The following FSHR variants were observed in gnomAD, a reference collection of about 807,000 sequenced individuals.
FSHR encodes follicle stimulating hormone receptor, also known as follicle-stimulating hormone receptor.
A neutral mutation model predicts 52.1 loss-of-function variants in FSHR; 46 were observed. The observed-to-expected ratio is 0.88, with a 90% CI of 0.70 to 1.13. The LOEUF (loss-of-function observed/expected upper bound fraction) is 1.13, where lower values mean the gene tolerates loss of function less well. Among genes scored for constraint, FSHR ranks in the 50% most tolerant of loss-of-function variants. The pLI is 0.00. For missense variants in FSHR, 964 were observed against 834.6 expected, an observed-to-expected ratio of 1.16 and a Z score of -1.91; for synonymous variants, 399 against 309.6, an observed-to-expected ratio of 1.29 and a Z score of -3.03.
At chr2:49,144,124 C>A (rs762387139) in intron 1 of FSHR, among the ~76,000 whole-genome samples, 1 of 152,194 alleles carries the variant, frequency 6.6e-6, no homozygotes, top group East Asian at 1.9e-4. Flanking sequence ...GTTCTTTTCC[C>A]AACCACCAGA....
At position 48,963,677 on chromosome 2, in the gene FSHR, T is replaced by C. The variant is rs1192293250; in HGVS notation, c.1144A>G (p.Ile382Val). The C allele has an allele frequency of 6.2e-7, 1 of 1,614,030 alleles. No individual in the cohort carries two copies. Among genetic ancestry groups the C allele is most frequent in the Non-Finnish European group, 8.5e-7 (1 of 1,180,016 alleles). ...CTGGTAGTTAGGATCACTAGCACTA[T>C]GATGTTCCCAGTGATGGCCAGGATG... Reference protein sequence around the residue: ...ISILAITGNIIVLVILTTSQY... With the variant: ...ISILAITGNIVVLVILTTSQY... The change falls in exon 10 of 10, where the codon ATA becomes GTA. Residue 382 changes from isoleucine (I) to valine (V), a missense_variant. Ile to Val is a conservative substitution (Grantham distance 29). Transcript: ENST00000406846.
intron 1 of FSHR, among the ~76,000 whole-genome samples, chr2:49,091,661 GATGAATT>G (rs1670616446): frequency 6.6e-6 from 1 of 152,168 alleles, no homozygotes; most frequent in African/African-American, 2.4e-5. Context: ...TCCTTTTGCT[GATGAATT>G]ACGTTAGATT....
intron 1 of FSHR, among the ~76,000 whole-genome samples, chr2:49,130,113 G>C (rs1230084120): frequency 6.6e-6 from 1 of 152,130 alleles, no homozygotes; most frequent in Non-Finnish European, 1.5e-5. Flanking sequence ...GTACCACTTA[G>C]GCAAGTTACT....
chr2:49,109,401 G>A (rs1024117282), intron 1 of FSHR, among the ~76,000 whole-genome samples: 4 of 152,186 alleles, frequency 2.6e-5, no homozygotes, highest in African/African-American at 9.6e-5. Context: ...GGGTTGGGGA[G>A]AGAGGAGGTG....
At position 49,042,684 on chromosome 2, in the gene FSHR, C is replaced by A. The variant is rs1322585104; in HGVS notation, c.225-22524G>T. Among the ~76,000 whole-genome samples the A allele has an allele frequency of 2.6e-5, 4 of 152,186 alleles. No individual in the cohort carries two copies. In the East Asian group the frequency reaches 7.7e-4, roughly 29 times the overall value. Reference sequence around the variant, plus strand: ...CAGCAATTTCCTTTTTTCATGACTTCAAATGGTGCATAGTCAGCTCTAAAG... The same window carrying A: ...CAGCAATTTCCTTTTTTCATGACTTAAAATGGTGCATAGTCAGCTCTAAAG... On this transcript the variant is annotated intron_variant, in intron 2 of 9. Coordinates refer to ENST00000406846, the MANE Select transcript of FSHR (RefSeq NM_000145.4).
chr2:49,017,416 A>C, intron 4 of FSHR, 73 bp downstream of exon 4: 1 of 1,137,182 alleles, frequency 8.8e-7, no homozygotes, highest in Non-Finnish European at 1.3e-6. Context: ...CCAGAGTATC[A>C]AGTAGGCCTT....
At chr2:49,132,543 C>T (rs1672319462) in intron 1 of FSHR, among the ~76,000 whole-genome samples, 1 of 152,086 alleles carries the variant, frequency 6.6e-6, no homozygotes. Context: ...TTACCATTCA[C>T]CAGACCAGTA....
chr2:49,072,239 C>CCAAA (rs199530890), intron 1 of FSHR, among the ~76,000 whole-genome samples: 1 of 151,894 alleles, frequency 6.6e-6, no homozygotes, highest in East Asian at 1.9e-4. Context: ...AACCAACCAA[C>CCAAA]CAAACAAACA....
Position 48,962,210 on chromosome 2 carries a change from C to T in FSHR, c.*523G>A, listed in dbSNP as rs370297583. ...ATGTATTTCAGCCTATCCACACTGA[C>T]GCATTACAAAGGCTTCAGATGGGTG... On this transcript the variant is annotated 3_prime_UTR_variant, in exon 10 of 10. Coordinates refer to ENST00000406846, the MANE Select transcript of FSHR (RefSeq NM_000145.4). 8.0e-5 allele frequency: 15 copies of T among 187,090 alleles called. No homozygotes were observed. Among genetic ancestry groups the T allele is most frequent in the South Asian group, 7.3e-4 (7 of 9,630 alleles). 11.6% of individuals were successfully genotyped at this position (187,090 alleles called of 1,614,324 possible).
chr2:49,014,221 C>T (rs1667399832), intron 4 of FSHR, among the ~76,000 whole-genome samples: 1 of 152,194 alleles, frequency 6.6e-6, no homozygotes, highest in African/African-American at 2.4e-5. Flanking sequence ...GTGACATAAT[C>T]CCTTCTAAAT....
At chr2:48,994,631 C>T (rs1385468263) in intron 4 of FSHR, among the ~76,000 whole-genome samples, 2 of 14,640 alleles carry the variant, frequency 1.4e-4, no homozygotes, top group Middle Eastern at 0.031. Flanking sequence ...TAAATTCATG[C>T]TGATGGAGGC....
intron 8 of FSHR, among the ~76,000 whole-genome samples, chr2:48,971,880 C>G (rs1456579619): frequency 6.6e-6 from 1 of 152,144 alleles, no homozygotes; most frequent in African/African-American, 2.4e-5. Flanking sequence ...TTTGCTGGTT[C>G]CTCCATGACC....
intron 2 of FSHR, among the ~76,000 whole-genome samples, chr2:49,039,301 A>G (rs1242858857): frequency 2.0e-5 from 3 of 152,126 alleles, no homozygotes; most frequent in Admixed American, 2.0e-4. Context: ...CAAGCCTGTA[A>G]TTTGAAGATG....
chr2:49,072,875 C>T (rs939307455), intron 1 of FSHR, among the ~76,000 whole-genome samples: 3 of 152,068 alleles, frequency 2.0e-5, no homozygotes, highest in African/African-American at 4.8e-5. Flanking sequence ...CTGGATTTAC[C>T]ACTTAACATT....
At chr2:48,985,707 T>A (rs1409613974) in intron 6 of FSHR, among the ~76,000 whole-genome samples, 3 of 135,540 alleles carry the variant, frequency 2.2e-5, no homozygotes, top group African/African-American at 8.6e-5. Context: ...GTTTTTTTTT[T>A]TTTTTTTTTT....
chr2:49,151,415 C>G (rs1673058458), intron 1 of FSHR, among the ~76,000 whole-genome samples: 1 of 151,888 alleles, frequency 6.6e-6, no homozygotes, highest in Admixed American at 6.6e-5. Context: ...AGTAGGAGCC[C>G]CTTAGTAAAT....
intron 1 of FSHR, among the ~76,000 whole-genome samples, chr2:49,138,345 C>T (rs1283164869): frequency 6.6e-6 from 1 of 152,168 alleles, no homozygotes; most frequent in South Asian, 2.1e-4. Context: ...AGCTATTGCA[C>T]TCCTAGGTAT....
intron 1 of FSHR, among the ~76,000 whole-genome samples, chr2:49,097,335 G>C (rs955119353): frequency 6.6e-6 from 1 of 152,080 alleles, no homozygotes; most frequent in Non-Finnish European, 1.5e-5. Context: ...AATTTCTAGT[G>C]ATACATCTTC....
chr2:49,135,393 A>G (rs931671885), intron 1 of FSHR, among the ~76,000 whole-genome samples: 3 of 152,186 alleles, frequency 2.0e-5, no homozygotes, highest in Non-Finnish European at 4.4e-5. Context: ...TAAAAAAGGA[A>G]AACAGAAAAC....
Sources: allele counts gnomAD v4.1 joint callset (sites outside exome capture counted in the v4.1 genomes callset), GRCh38; gene constraint gnomAD v4.1.1; transcripts MANE v1.5; gene names NCBI Gene and HGNC (gene_info 2026-07-23, HGNC 2026-07-21).